Variants in HAPSTR1 observed in about 807,000 individuals in gnomAD.
HAPSTR1 encodes the protein HUWE1 associated protein modifying stress responses.
chr16:9,113,898 TG>T, the HAPSTR1 span, among the ~76,000 whole-genome samples: 1 of 152,188 alleles, frequency 6.6e-6, no homozygotes, highest in Non-Finnish European at 1.5e-5. Flanking sequence ...GTTTATTTTC[TG>T]GTGTTGGAGA....
the HAPSTR1 span, chr16:9,106,990 C>T: frequency 3.3e-5 from 5 of 152,296 alleles, no homozygotes; most frequent in African/African-American, 1.2e-4. Flanking sequence ...GGCTTCTCTT[C>T]TGCCACATTG....
the HAPSTR1 span, among the ~76,000 whole-genome samples, chr16:9,115,360 A>G: frequency 6.6e-6 from 1 of 152,206 alleles, no homozygotes; most frequent in Non-Finnish European, 1.5e-5. Flanking sequence ...TTGAAAATTA[A>G]TTGATAGTCA....
At chr16:9,108,187 C>T in the HAPSTR1 span, 1 of 152,114 alleles carries the variant, frequency 6.6e-6, no homozygotes, top group East Asian at 1.9e-4. Context: ...GTCATTTAAT[C>T]CTCACACCTA....
At chr16:9,092,182 G>A in the HAPSTR1 span, 67 of 1,578,670 alleles carry the variant, frequency 4.2e-5, no homozygotes, top group African/African-American at 8.2e-4. Flanking sequence ...AGGAGGAGGC[G>A]GCGGCCGCCG....
At chr16:9,105,365 A>G in the HAPSTR1 span, 1 of 152,178 alleles carries the variant, frequency 6.6e-6, no homozygotes, top group Admixed American at 6.5e-5. Flanking sequence ...CCTCTAATTC[A>G]TGTGGTTAAG....
At chr16:9,120,530 C>T in the HAPSTR1 span, 1 of 151,388 alleles carries the variant, frequency 6.6e-6, no homozygotes, top group African/African-American at 2.4e-5. Context: ...TAGCCTGTGA[C>T]GTAGCAAGTC....
At chr16:9,113,278 A>G in the HAPSTR1 span, 28 of 152,190 alleles carry the variant, frequency 1.8e-4, no homozygotes, top group Admixed American at 6.5e-5. Flanking sequence ...TTTCACTGCT[A>G]TGAGAGTCAG....
the HAPSTR1 span, chr16:9,092,882 T>C: frequency 6.6e-7 from 1 of 1,522,644 alleles, no homozygotes; most frequent in South Asian, 1.2e-5. Flanking sequence ...GTGTTTCTTT[T>C]TTCTTTTTGG....
chr16:9,100,285 C>T, the HAPSTR1 span, among the ~76,000 whole-genome samples: 1 of 152,144 alleles, frequency 6.6e-6, no homozygotes, highest in Non-Finnish European at 1.5e-5. Flanking sequence ...TAAGCCAGGC[C>T]ACTAGTGATT....
the HAPSTR1 span, chr16:9,092,303 G>C: frequency 6.9e-7 from 1 of 1,458,840 alleles, no homozygotes; most frequent in Non-Finnish European, 9.1e-7. Context: ...GGTACCGCTT[G>C]GCCGCCCCCG....
At chr16:9,101,462 T>TA in the HAPSTR1 span, among the ~76,000 whole-genome samples, 1 of 152,252 alleles carries the variant, frequency 6.6e-6, no homozygotes, top group African/African-American at 2.4e-5. Context: ...ATGCACTCTA[T>TA]AGCATATCAG....
chr16:9,117,107 A>AAG, the HAPSTR1 span: 1 of 736,306 alleles, frequency 1.4e-6, no homozygotes, highest in Non-Finnish European at 2.1e-6. Flanking sequence ...CTTTCTTAAA[A>AAG]CTATAATCCT....
chr16:9,097,591 A>G, the HAPSTR1 span, among the ~76,000 whole-genome samples: 14 of 152,252 alleles, frequency 9.2e-5, no homozygotes, highest in African/African-American at 3.4e-4. Context: ...AGAAAACACA[A>G]GTTGGGCTGG....
chr16:9,113,229 C>G, the HAPSTR1 span: 1 of 151,932 alleles, frequency 6.6e-6, no homozygotes, highest in Non-Finnish European at 1.5e-5. Flanking sequence ...TGTGAAAAGT[C>G]TTTTTGGGGA....
the HAPSTR1 span, among the ~76,000 whole-genome samples, chr16:9,094,199 A>T: frequency 6.6e-6 from 1 of 152,184 alleles, no homozygotes. Flanking sequence ...AGAAACGCTA[A>T]CTTTAGGGAA....
At chr16:9,097,101 G>C in the HAPSTR1 span, among the ~76,000 whole-genome samples, 2 of 151,990 alleles carry the variant, frequency 1.3e-5, no homozygotes, top group East Asian at 3.9e-4. Context: ...CACCACACCA[G>C]GCTACTTTTT....
the HAPSTR1 span, chr16:9,113,144 A>G: frequency 2.0e-5 from 3 of 151,320 alleles, no homozygotes; most frequent in East Asian, 3.9e-4. Context: ...AGTAGCTGTC[A>G]TTGGTTTGTA....
chr16:9,117,941 A>G, the HAPSTR1 span: 1 of 152,466 alleles, frequency 6.6e-6, no homozygotes, highest in African/African-American at 2.4e-5. Context: ...GCAAAACCCA[A>G]CTCTCCCTGT....
chr16:9,115,609 C>G, the HAPSTR1 span, among the ~76,000 whole-genome samples: 2 of 152,212 alleles, frequency 1.3e-5, no homozygotes, highest in East Asian at 3.9e-4. Flanking sequence ...TGGGTATATT[C>G]TGGATTCAGT....
Sources: gnomAD v4.1 joint callset for allele counts (sites outside exome capture counted in the v4.1 genomes callset) on GRCh38, gnomAD v4.1.1 for gene constraint, MANE v1.5 for transcripts, NCBI Gene and HGNC (gene_info 2026-07-23, HGNC 2026-07-21) for gene names.